The following ZNF704 variants were observed in gnomAD, a reference collection of about 807,000 sequenced individuals.
The protein encoded by ZNF704 is glucocorticoid induced gene 1.
Under a neutral mutation model 44.7 loss-of-function variants are expected in ZNF704, and 10 were observed. The ratio of observed to expected loss-of-function variants is 0.22; its 90% CI spans 0.14 to 0.38. The LOEUF (loss-of-function observed/expected upper bound fraction) is 0.38, where lower values mean the gene tolerates loss of function less well. ZNF704 is among the 10% of genes least tolerant of loss of function. The pLI is 1.00. For synonymous variants in ZNF704, 211 were observed against 207.6 expected (o/e 1.02, Z -0.14); for missense variants, 390 against 545.5 (o/e 0.71, Z 2.84).
chr8:80,808,423 C>T (rs886218303), intron 2 of ZNF704, among the ~76,000 whole-genome samples: 2 of 152,184 alleles, frequency 1.3e-5, no homozygotes, highest in African/African-American at 4.8e-5. Flanking sequence ...AGGTTTGTAG[C>T]AACATCAACT....
At chr8:80,643,155 T>G in intron 7 of ZNF704, 26 bp from the exon 8 acceptor site, 1 of 1,567,880 alleles carries the variant, frequency 6.4e-7, no homozygotes, top group Non-Finnish European at 8.7e-7. Context: ...AAAAGAAAGT[T>G]GATGGGGCAG....
chr8:80,681,071 A>G (rs551146536), intron 4 of ZNF704, among the ~76,000 whole-genome samples: 4 of 152,212 alleles, frequency 2.6e-5, no homozygotes, highest in Admixed American at 2.6e-4. Flanking sequence ...TATGTGGTGA[A>G]GTATCCCATT....
At chr8:80,765,098 G>A (rs1234689837) in intron 2 of ZNF704, among the ~76,000 whole-genome samples, 1 of 152,192 alleles carries the variant, frequency 6.6e-6, no homozygotes, top group Non-Finnish European at 1.5e-5. Flanking sequence ...GAAGCTAATG[G>A]TATAACTCTC....
chr8:80,811,829 CAGA>C (rs1808088162), intron 2 of ZNF704, among the ~76,000 whole-genome samples: 1 of 152,198 alleles, frequency 6.6e-6, no homozygotes, highest in Non-Finnish European at 1.5e-5. Context: ...GGCTGCAAAG[CAGA>C]AGGTGAGCTG....
At chr8:80,790,050 G>A (rs1807678220) in intron 2 of ZNF704, among the ~76,000 whole-genome samples, 1 of 152,182 alleles carries the variant, frequency 6.6e-6, no homozygotes, top group Non-Finnish European at 1.5e-5. Flanking sequence ...GGAAGTGTGT[G>A]GCACTGGTTA....
intron 6 of ZNF704, among the ~76,000 whole-genome samples, chr8:80,660,468 C>A (rs763317032): frequency 1.5e-5 from 2 of 132,808 alleles, no homozygotes; most frequent in Non-Finnish European, 3.1e-5. Flanking sequence ...GAAATCTTGT[C>A]TCAAAAAAAA....
At chr8:80,666,233 C>T (rs1475613389) in intron 5 of ZNF704, among the ~76,000 whole-genome samples, 4,772 of 146,134 alleles carry the variant, frequency 0.033, 248 homozygotes, top group African/African-American at 0.11. Flanking sequence ...TTTGTTCTTG[C>T]GATAGTTTAC....
intron 2 of ZNF704, among the ~76,000 whole-genome samples, chr8:80,797,000 GAAGC>G (rs778887111): frequency 4.1e-5 from 6 of 148,062 alleles, no homozygotes; most frequent in Non-Finnish European, 5.9e-5. Context: ...AGGAAGGAAG[GAAGC>G]AAGCAAGCAA....
intron 1 of ZNF704, among the ~76,000 whole-genome samples, chr8:80,841,742 T>C (rs866778018): frequency 6.6e-5 from 10 of 152,302 alleles, no homozygotes; most frequent in Middle Eastern, 3.4e-3. Context: ...ATCAAATGAC[T>C]AGGAACAATG....
At chr8:80,698,616 G>C (rs758676316) in intron 2 of ZNF704, among the ~76,000 whole-genome samples, 3 of 152,208 alleles carry the variant, frequency 2.0e-5, no homozygotes, top group Non-Finnish European at 4.4e-5. Context: ...TTTGGCTGCC[G>C]TGTGGAAAAT....
chr8:80,853,339 G>A (rs929693275), intron 1 of ZNF704, among the ~76,000 whole-genome samples: 1 of 152,210 alleles, frequency 6.6e-6, no homozygotes, highest in Non-Finnish European at 1.5e-5. Context: ...CTGCACTCCA[G>A]CCTGGGCTAC....
chr8:80,708,815 C>T (rs1223017039), intron 2 of ZNF704, among the ~76,000 whole-genome samples: 1 of 151,900 alleles, frequency 6.6e-6, no homozygotes, highest in East Asian at 1.9e-4. Flanking sequence ...GTCAACAGCT[C>T]AGTGGCTACC....
At chr8:80,790,688 C>T (rs914579115) in intron 2 of ZNF704, among the ~76,000 whole-genome samples, 9 of 151,876 alleles carry the variant, frequency 5.9e-5, no homozygotes, top group Admixed American at 1.3e-4. Context: ...GCAGAGGTCC[C>T]GGGGTGAGAT....
intron 4 of ZNF704, among the ~76,000 whole-genome samples, chr8:80,681,203 C>T (rs1187529346): frequency 1.3e-5 from 2 of 152,038 alleles, no homozygotes; most frequent in African/African-American, 2.4e-5. Flanking sequence ...TTTTTGTGGA[C>T]ATGTGTTTTC....
At chr8:80,846,820 T>C (rs191353947) in intron 1 of ZNF704, among the ~76,000 whole-genome samples, 1 of 152,246 alleles carries the variant, frequency 6.6e-6, no homozygotes. Context: ...AAGATCAACA[T>C]ACAAAAAACA....
intron 1 of ZNF704, among the ~76,000 whole-genome samples, chr8:80,834,409 T>A (rs1280515682): frequency 6.6e-6 from 1 of 152,120 alleles, no homozygotes; most frequent in African/African-American, 2.4e-5. Context: ...CATGACAGAG[T>A]TGAAGCCCTG....
At chr8:80,680,843 A>C (rs1222978081) in intron 4 of ZNF704, among the ~76,000 whole-genome samples, 1 of 152,192 alleles carries the variant, frequency 6.6e-6, no homozygotes, top group African/African-American at 2.4e-5. Context: ...ACAAAGTAAC[A>C]GGTGAATTCA....
At chr8:80,823,546 C>T (rs770305825) in intron 1 of ZNF704, among the ~76,000 whole-genome samples, 49 of 152,224 alleles carry the variant, frequency 3.2e-4, no homozygotes, top group African/African-American at 1.1e-3. Flanking sequence ...CTTACACGTC[C>T]CTGTCTGACA....
intron 1 of ZNF704, among the ~76,000 whole-genome samples, chr8:80,861,779 T>A (rs1023258598): frequency 4.0e-5 from 6 of 151,532 alleles, no homozygotes; most frequent in African/African-American, 1.5e-4. Context: ...CTCCATCTTC[T>A]CCACTGAATT....
Sources: allele counts gnomAD v4.1 joint callset (sites outside exome capture counted in the v4.1 genomes callset), GRCh38; gene constraint gnomAD v4.1.1; transcripts MANE v1.5; gene names NCBI Gene and HGNC (gene_info 2026-07-23, HGNC 2026-07-21).